PCNX2: variants seen among roughly 807,000 people sequenced by gnomAD.
The protein encoded by PCNX2 is pecanex 2.
PCNX2 carries 168 observed loss-of-function variants against 223.8 expected under a neutral mutation model. That is an observed-to-expected ratio of 0.75 (90% CI 0.66 to 0.85). The LOEUF is 0.85. Among genes scored for constraint, PCNX2 ranks in the 40% least tolerant of loss-of-function variants. The pLI, the probability that PCNX2 is intolerant of heterozygous loss-of-function variation, is 0.00. For synonymous variants in PCNX2, 1,006 were observed against 1,052.6 expected (o/e 0.96, Z 0.86); for missense variants, 2,507 against 2,675.5 (o/e 0.94, Z 1.39).
At position 233,057,176 on chromosome 1, in the gene PCNX2, G is replaced by A; in HGVS notation, c.4135+56C>T. On this transcript the variant is annotated intron_variant, in intron 24 of 33. Transcript: ENST00000258229. Reference sequence around the variant, plus strand: ...GAGTGAGTATTTAATTCTTCCTTTTGAGAATCCATCCATACAACAATAAAT... The same window carrying A: ...GAGTGAGTATTTAATTCTTCCTTTTAAGAATCCATCCATACAACAATAAAT... 3 of 1,386,114 alleles carry A rather than the reference G, an allele frequency of 2.2e-6. No homozygotes were observed. The South Asian group carries it at 3.7e-5, about 17-fold the overall frequency. 85.9% of individuals were successfully genotyped at this position (1,386,114 alleles called of 1,614,324 possible).
At chr1:233,292,496 A>G (rs1661833808) in intron 1 of PCNX2, among the ~76,000 whole-genome samples, 1 of 152,206 alleles carries the variant, frequency 6.6e-6, no homozygotes, top group Admixed American at 6.5e-5. Context: ...GGCATGAGCC[A>G]CCACACCCAA....
At chr1:233,026,791 A>G (rs1403889627) in intron 25 of PCNX2, among the ~76,000 whole-genome samples, 1 of 152,180 alleles carries the variant, frequency 6.6e-6, no homozygotes, top group Non-Finnish European at 1.5e-5. Context: ...TTTGAGTAGG[A>G]GTGAAGGGAA....
intron 19 of PCNX2, among the ~76,000 whole-genome samples, chr1:233,159,418 A>T (rs573115977): frequency 1.3e-5 from 2 of 152,320 alleles, no homozygotes; most frequent in South Asian, 4.1e-4. Flanking sequence ...TTAAGTCCAC[A>T]AACCTTGGTG....
At chr1:233,193,095 T>G (rs1680512962) in intron 15 of PCNX2, among the ~76,000 whole-genome samples, 1 of 147,686 alleles carries the variant, frequency 6.8e-6, no homozygotes, top group African/African-American at 2.4e-5. Flanking sequence ...AATTTATATT[T>G]TATAAATTAT....
chr1:233,243,347 G>GA (rs1658892757), intron 8 of PCNX2, among the ~76,000 whole-genome samples: 1 of 152,168 alleles, frequency 6.6e-6, no homozygotes, highest in African/African-American at 2.4e-5. Flanking sequence ...ACCTTATGGG[G>GA]AAAAGGCTGC....
intron 17 of PCNX2, among the ~76,000 whole-genome samples, chr1:233,176,879 G>C (rs1679506561): frequency 6.6e-6 from 1 of 152,194 alleles, no homozygotes; most frequent in African/African-American, 2.4e-5. Flanking sequence ...GCTGGGCATG[G>C]TGGCGGGCAC....
At chr1:233,044,931 A>C (rs1479629486) in intron 25 of PCNX2, among the ~76,000 whole-genome samples, 2 of 152,138 alleles carry the variant, frequency 1.3e-5, no homozygotes, top group African/African-American at 4.8e-5. Flanking sequence ...AGCCTCCCAA[A>C]GTGCTAGGAT....
At chr1:233,170,261 C>T (rs952376519) in intron 17 of PCNX2, among the ~76,000 whole-genome samples, 2 of 152,118 alleles carry the variant, frequency 1.3e-5, no homozygotes, top group African/African-American at 2.4e-5. Flanking sequence ...TTCACACTCC[C>T]ACCAGCAATA....
intron 15 of PCNX2, among the ~76,000 whole-genome samples, chr1:233,188,654 C>T (rs1680244730): frequency 6.6e-6 from 1 of 152,052 alleles, no homozygotes; most frequent in South Asian, 2.1e-4. Flanking sequence ...TCCCAAGTAG[C>T]TGGGATTACA....
At position 233,226,410 on chromosome 1, in the gene PCNX2, C is replaced by T. The variant is rs549865253; in HGVS notation, c.2504+816G>A. 1.0e-3 allele frequency among the ~76,000 whole-genome samples: 154 copies of T among 152,272 alleles called. 3 individuals are homozygous for T. The highest frequency in any genetic ancestry group is 3.8e-4 in the Non-Finnish European group (26 of 68,020). On this transcript the variant is annotated intron_variant, in intron 10 of 33. Coordinates refer to ENST00000258229, the MANE Select transcript of PCNX2 (RefSeq NM_014801.4). ...TCAGCCTCCTGAGTAGCTGGAACTACAGGCATGCACCACCACACCCGGCTA... is the reference window on the plus strand; with the variant it reads ...TCAGCCTCCTGAGTAGCTGGAACTATAGGCATGCACCACCACACCCGGCTA...
chr1:233,230,218 G>A (rs1025417290), intron 9 of PCNX2, among the ~76,000 whole-genome samples: 1 of 152,192 alleles, frequency 6.6e-6, no homozygotes, highest in East Asian at 1.9e-4. Flanking sequence ...TATGTATGGA[G>A]AGAGAAGTGA....
the PCNX2 span, among the ~76,000 whole-genome samples, chr1:233,326,904 A>G: frequency 6.6e-6 from 1 of 152,138 alleles, no homozygotes; most frequent in Admixed American, 6.5e-5. Flanking sequence ...GGCATTTTCC[A>G]TCTGAGTAGA....
At chr1:233,240,044 T>C (rs1359166464) in intron 8 of PCNX2, among the ~76,000 whole-genome samples, 5 of 152,212 alleles carry the variant, frequency 3.3e-5, no homozygotes, top group African/African-American at 1.2e-4. Flanking sequence ...GAAACCTGTA[T>C]TGTCATCTGT....
At chr1:233,280,525 T>C (rs893574773) in intron 1 of PCNX2, among the ~76,000 whole-genome samples, 3 of 152,188 alleles carry the variant, frequency 2.0e-5, no homozygotes, top group African/African-American at 7.2e-5. Flanking sequence ...CTCGAACTCC[T>C]GACCTCAGGT....
intron 9 of PCNX2, among the ~76,000 whole-genome samples, chr1:233,234,981 C>T (rs1389900645): frequency 6.6e-6 from 1 of 151,812 alleles, no homozygotes; most frequent in Non-Finnish European, 1.5e-5. Context: ...GCAGGGTCTC[C>T]GGTGGTCAGT....
intron 1 of PCNX2, among the ~76,000 whole-genome samples, chr1:233,266,840 T>A (rs765948009): frequency 2.0e-5 from 3 of 152,170 alleles, no homozygotes; most frequent in Non-Finnish European, 4.4e-5. Context: ...CCATTATTAA[T>A]ATAACTAGTA....
chr1:233,101,843 T>C (rs72763925), intron 21 of PCNX2, among the ~76,000 whole-genome samples: 20,071 of 152,140 alleles, frequency 0.13, 1,437 homozygotes, highest in East Asian at 0.21. Context: ...GAGCAAATTA[T>C]AAAAAACTTC....
intron 1 of PCNX2, among the ~76,000 whole-genome samples, chr1:233,265,543 A>G (rs934331291): frequency 6.6e-6 from 1 of 152,210 alleles, no homozygotes; most frequent in Non-Finnish European, 1.5e-5. Context: ...TGATATGTCT[A>G]TAAGATGATG....
chr1:233,085,013 A>G (rs950308399), intron 23 of PCNX2, among the ~76,000 whole-genome samples: 2 of 152,204 alleles, frequency 1.3e-5, no homozygotes, highest in Non-Finnish European at 2.9e-5. Flanking sequence ...TTCCTCTGAC[A>G]TAATACTGTT....
Sources: gnomAD v4.1 joint callset for allele counts (sites outside exome capture counted in the v4.1 genomes callset) on GRCh38, gnomAD v4.1.1 for gene constraint, MANE v1.5 for transcripts, NCBI Gene and HGNC (gene_info 2026-07-23, HGNC 2026-07-21) for gene names.